The following EPN3 variants were observed in gnomAD, a reference collection of about 807,000 sequenced individuals.
The protein encoded by EPN3 is epsin 3.
Under a neutral mutation model 55.5 loss-of-function variants are expected in EPN3, and 56 were observed. The observed-to-expected ratio is 1.01, with a 90% CI of 0.81 to 1.26. EPN3 has a LOEUF of 1.26. Ranked by LOEUF, EPN3 falls within the 50% of genes most tolerant of loss-of-function variation. EPN3 has a pLI of 0.00. For missense variants in EPN3, 927 were observed against 853.4 expected, an observed-to-expected ratio of 1.09 and a Z score of -1.07; for synonymous variants, 449 against 375.2, an observed-to-expected ratio of 1.20 and a Z score of -2.27.
rs367734431 is a variant in EPN3 at position 50,542,066 on chromosome 17, G to C, written c.1808G>C (p.Gly603Ala). The change falls in exon 10 of 10, where the codon GGA (glycine) becomes GCA (alanine). Residue 603 changes from glycine to alanine, a missense_variant. Coordinates refer to ENST00000268933, the MANE Select transcript of EPN3 (RefSeq NM_017957.3). ...TCGGTTAGCGTCTTCCCGCAGGCCG[G>C]AGCCTTCGCACCGCAGCCGCTGCTG... ...PASVSVFPQA[G>A]AFAPQPLLPT... 1.3e-6 allele frequency: 2 copies of C among 1,588,478 alleles called. No homozygotes were observed. Among genetic ancestry groups the C allele is most frequent in the Admixed American group, 1.7e-5 (1 of 59,386 alleles).
intron 1 of EPN3, among the ~76,000 whole-genome samples, chr17:50,533,267 C>T (rs1208508203): frequency 2.0e-5 from 3 of 152,164 alleles, no homozygotes; most frequent in African/African-American, 4.8e-5. Context: ...CACATCTCTG[C>T]TGTTTCCTCT....
intron 1 of EPN3, 93 bp from the exon 2 acceptor site, chr17:50,536,328 G>A (rs62059697): frequency 6.1e-5 from 66 of 1,076,230 alleles, no homozygotes; most frequent in Middle Eastern, 6.0e-4. Flanking sequence ...TGGAGGCAGG[G>A]ACACTCTGGC....
chr17:50,535,576 T>C (rs1191337605), intron 1 of EPN3, among the ~76,000 whole-genome samples: 1 of 152,208 alleles, frequency 6.6e-6, no homozygotes, highest in Admixed American at 6.5e-5. Context: ...TCTTCCCTTG[T>C]GATCTTGGAT....
intron 1 of EPN3, chr17:50,534,424 C>A: frequency 5.1e-6 from 5 of 985,508 alleles, no homozygotes; most frequent in Non-Finnish European, 6.0e-6. Context: ...TCACAGTGCC[C>A]GACTGGTTCT....
In EPN3 at chr17:50,538,328, C is replaced by A. The variant is rs1346003364; in HGVS notation, c.681+131C>A. On this transcript the variant is annotated intron_variant, in intron 3 of 9. Coordinates refer to ENST00000268933, the MANE Select transcript of EPN3 (RefSeq NM_017957.3). ...TCCTGTGCCCAAGGACAGCACAAGA[C>A]CCATTATCTCTGTCGGTTTGTCGCA... 4 of 658,174 alleles carry A rather than the reference C, an allele frequency of 6.1e-6. No homozygotes were observed. In the African/African-American group the frequency reaches 7.3e-5, roughly 12 times the overall value. 40.8% of individuals were successfully genotyped at this position (658,174 alleles called of 1,614,324 possible). A position where few individuals can be genotyped will look rare whatever the true frequency, so the allele number is the denominator to read the frequency against.
chr17:50,542,517 T>C lies in EPN3; in HGVS notation c.*360T>C, dbSNP rs1401367590. Reference sequence around the variant, plus strand: ...CAGCTCTTCTCAACCCTCACCTCCATCCCCCGTCACCCAGGCACCTTCGCT... The same window carrying C: ...CAGCTCTTCTCAACCCTCACCTCCACCCCCCGTCACCCAGGCACCTTCGCT... On this transcript the variant is annotated 3_prime_UTR_variant, in exon 10 of 10. Coordinates refer to ENST00000268933, the MANE Select transcript of EPN3 (RefSeq NM_017957.3). 2 of 225,892 alleles carry C rather than the reference T, an allele frequency of 8.9e-6. No homozygotes were observed. The highest frequency in any genetic ancestry group is 1.7e-5 in the Non-Finnish European group (2 of 117,272). 14.0% of individuals were successfully genotyped at this position (225,892 alleles called of 1,614,324 possible). A position where few individuals can be genotyped will look rare whatever the true frequency, so the allele number is the denominator to read the frequency against.
At chr17:50,541,135 T>G in intron 7 of EPN3, 73 bp downstream of exon 7, 1 of 1,592,318 alleles carries the variant, frequency 6.3e-7, no homozygotes, top group Non-Finnish European at 8.5e-7. Flanking sequence ...CAGCAGATAC[T>G]GTTTGTGTTA....
chr17:50,542,154 C>G lies in EPN3; in HGVS notation c.1896C>G (p.Leu632=). ...PPPQTGTNPF[L] ...CGCAGACCGGCACCAACCCCTTCCT[C>G]TGAGCCCCGCCCCGTCCCATACCGG... is the stretch of plus-strand genomic sequence containing the variant. Residue 632 remains leucine, a synonymous_variant, in exon 10 of 10, where the codon CTC becomes CTG. Transcript: ENST00000268933. 2 of 1,497,134 alleles carry G rather than the reference C, an allele frequency of 1.3e-6. No homozygotes were observed. Among genetic ancestry groups the G allele is most frequent in the Non-Finnish European group, 1.8e-6 (2 of 1,132,056 alleles). 92.7% of individuals were successfully genotyped at this position (1,497,134 alleles called of 1,614,324 possible).
At chr17:50,538,986 G>C in intron 4 of EPN3, 22 bp downstream of exon 4, 1 of 1,577,374 alleles carries the variant, frequency 6.3e-7, no homozygotes, top group South Asian at 1.1e-5. Flanking sequence ...AGCCCGCTGG[G>C]CTGCCGGTGC....
rs778941523 is a variant in EPN3, at chr17:50,542,013, C to G, written c.1755C>G (p.Ser585Arg). 5.0e-6 allele frequency: 8 copies of G among 1,597,938 alleles called. No individual in the cohort carries two copies. The highest frequency in any genetic ancestry group is 6.8e-6 in the Non-Finnish European group (8 of 1,178,808). The part of the protein sequence containing the change: ...YSASLPLPLS[S>R]VPAGLTLPAS... ...CCTCTCTGCCCCTCCCGCTCAGCAG[C>G]GTGCCAGCTGGCTTGACCCTCCCCG... The change falls in exon 10 of 10, where the codon AGC (serine) becomes AGG (arginine). Residue 585 changes from serine to arginine, a missense_variant. By Grantham distance (110) the Ser-to-Arg change is moderately radical. Transcript: ENST00000268933.
intron 1 of EPN3, chr17:50,535,926 G>T (rs766253740): frequency 6.6e-6 from 1 of 152,520 alleles, no homozygotes. Flanking sequence ...TCCTGTTAGC[G>T]TTCCCCCATG....
chr17:50,540,223 C>T lies in EPN3; in HGVS notation c.892-24C>T, dbSNP rs200513007. On this transcript the variant is annotated intron_variant, in intron 5 of 9. Coordinates refer to ENST00000268933, the MANE Select transcript of EPN3 (RefSeq NM_017957.3). ...CTCCAGGCCCCGCCCACTTCTGAGCCGCGGCTGCCTCTCCCCTCCACAGTC... is the reference window on the plus strand; with the variant it reads ...CTCCAGGCCCCGCCCACTTCTGAGCTGCGGCTGCCTCTCCCCTCCACAGTC... 52 of 1,605,808 alleles carry T rather than the reference C, an allele frequency of 3.2e-5. No individual in the cohort carries two copies. The East Asian group carries it at 7.1e-4, about 22-fold the overall frequency.
intron 1 of EPN3, among the ~76,000 whole-genome samples, chr17:50,533,837 GC>G: frequency 6.6e-6 from 1 of 151,964 alleles, no homozygotes; most frequent in Non-Finnish European, 1.5e-5. Flanking sequence ...CTCAGGCCCT[GC>G]CCTCTCTGTG....
chr17:50,541,052 C>T lies in EPN3; in HGVS notation c.1239C>T (p.Ser413=), dbSNP rs1175438473. The T allele has an allele frequency of 2.5e-6, 4 of 1,578,934 alleles. No individual in the cohort carries two copies. The highest frequency in any genetic ancestry group is 3.4e-6 in the Non-Finnish European group (4 of 1,163,402). Residue 413 remains serine, a synonymous_variant, in exon 7 of 10, where the codon TCC becomes TCT. Coordinates refer to ENST00000268933, the MANE Select transcript of EPN3 (RefSeq NM_017957.3). ...ADPWGASLET[S]DTPGGASTFD... is the part of the protein sequence containing the mutation. ...CTTGGGGAGCCTCCCTGGAGACCTC[C>T]GACACACCTGGTAAGAAGAGGGCCA... is the stretch of plus-strand genomic sequence containing the variant.
Position 50,540,780 on chromosome 17 carries a change from G to A in EPN3, c.980-13G>A, listed in dbSNP as rs1443172381. On this transcript the variant is annotated splice_polypyrimidine_tract_variant and intron_variant, in intron 6 of 9. Transcript: ENST00000268933. Reference sequence around the variant, plus strand: ...GTGGGCCTGGGATCATGTCTATGCTGTTCCCATTTCAGGTTTTAGGCCGAA... The same window carrying A: ...GTGGGCCTGGGATCATGTCTATGCTATTCCCATTTCAGGTTTTAGGCCGAA... 3.1e-6 allele frequency: 5 copies of A among 1,600,444 alleles called. No individual in the cohort carries two copies. In the South Asian group the frequency reaches 4.5e-5, roughly 14 times the overall value.
Position 50,541,214 on chromosome 17 carries a change from T to C in EPN3, c.1250-15T>C. 1 of 1,613,000 alleles carries C rather than the reference T, an allele frequency of 6.2e-7. No homozygotes were observed. The highest frequency in any genetic ancestry group is 8.5e-7 in the Non-Finnish European group (1 of 1,179,648). On this transcript the variant is annotated splice_polypyrimidine_tract_variant and intron_variant, in intron 7 of 9. Transcript: ENST00000268933. The stretch of plus-strand genomic sequence containing the variant: ...TTTTTGTCAACCCATCTCCTCTTCC[T>C]CTCTCTCTTCCGAGGTGGTGCCTCG...
Position 50,540,287 on chromosome 17 carries a change from T to C in EPN3, c.932T>C (p.Leu311Pro), listed in dbSNP as rs753294716. 8 of 1,612,716 alleles carry C rather than the reference T, an allele frequency of 5.0e-6. No homozygotes were observed. The highest frequency in any genetic ancestry group is 1.7e-4 in the Middle Eastern group (1 of 6,056). ...TTGGCTGACATCTTCGTACCTGCCCTGGCCCCGCCCTCCACACACTGCTCT... is the reference window on the plus strand; with the variant it reads ...TTGGCTGACATCTTCGTACCTGCCCCGGCCCCGCCCTCCACACACTGCTCT... ...LDLADIFVPA[L>P]APPSTHCSAD... The change falls in exon 6 of 10, where the codon CTG becomes CCG. Residue 311 changes from leucine (L) to proline (P), a missense_variant. Leu to Pro is a moderately conservative substitution (Grantham distance 98). Transcript: ENST00000268933.
rs1393528803 is a variant in EPN3, at chr17:50,536,908, G to C, written c.352G>C (p.Asp118His). The change falls in exon 2 of 10, where the codon GAC (aspartate) becomes CAC (histidine). Residue 118 changes from aspartate (D) to histidine (H), a missense_variant. Transcript: ENST00000268933. ...DFQYIDRDGK[D>H]QGVNVREKVK... Reference sequence around the variant, plus strand: ...CCAGTACATCGACCGCGACGGCAAGGACCAGGGCGTCAACGTGCGCGAGAA... The same window carrying C: ...CCAGTACATCGACCGCGACGGCAAGCACCAGGGCGTCAACGTGCGCGAGAA... The C allele has an allele frequency of 6.2e-7, 1 of 1,614,176 alleles. No homozygotes were observed. The highest frequency in any genetic ancestry group is 1.1e-5 in the South Asian group (1 of 91,090).
chr17:50,537,184 T>C, intron 2 of EPN3, 66 bp downstream of exon 2: 2 of 1,444,714 alleles, frequency 1.4e-6, no homozygotes, highest in Non-Finnish European at 1.8e-6. Flanking sequence ...GGCTCTGCAA[T>C]CCAAGCCATG....
Sources: allele counts gnomAD v4.1 joint callset (sites outside exome capture counted in the v4.1 genomes callset), GRCh38; gene constraint gnomAD v4.1.1; transcripts MANE v1.5; gene names NCBI Gene and HGNC (gene_info 2026-07-23, HGNC 2026-07-21).